Variants in IL1R1 observed in about 807,000 individuals in gnomAD.
IL1R1 encodes the protein interleukin-1 receptor type 1.
Under a neutral mutation model 50.2 loss-of-function variants are expected in IL1R1, and 22 were observed. The ratio of observed to expected loss-of-function variants is 0.44; its 90% CI spans 0.31 to 0.63. The LOEUF is 0.63. IL1R1 is among the 20% of genes least tolerant of loss of function. The probability of loss-of-function intolerance (pLI) is 0.07; values close to 1 mark genes in which losing one functional copy is unlikely to be tolerated. For missense variants in IL1R1, 509 were observed against 676.2 expected (o/e 0.75, Z 2.74); for synonymous variants, 251 against 236.7 (o/e 1.06, Z -0.55).
chr2:102,118,334 C>T lies in IL1R1; in HGVS notation c.-84+13462C>T, dbSNP rs186185207. On this transcript the variant is annotated intron_variant, in intron 1 of 10. Coordinates refer to the IL1R1 transcript ENST00000409329. ...AAGGAAGCGCACTTCCCCTCCCATA[C>T]ACCTCGCCCTGCATATCTCTTCATC... is the stretch of plus-strand genomic sequence containing the variant. Among the ~76,000 whole-genome samples, 124 of 152,346 alleles carry T rather than the reference C, an allele frequency of 8.1e-4. 1 individual carries two copies. Among genetic ancestry groups the T allele is most frequent in the South Asian group, 2.1e-3 (10 of 4,830 alleles).
intron 1 of IL1R1, among the ~76,000 whole-genome samples, chr2:102,150,284 C>T (rs1027260333): frequency 2.9e-4 from 44 of 152,140 alleles, no homozygotes; most frequent in African/African-American, 6.8e-4. Flanking sequence ...TCACTTTTCC[C>T]GTGCGTGCAC....
chr2:102,073,899 C>T (rs976786362), intron 1 of IL1R1, among the ~76,000 whole-genome samples: 5 of 152,070 alleles, frequency 3.3e-5, no homozygotes, highest in Non-Finnish European at 7.4e-5. Flanking sequence ...CTAAAATGGA[C>T]GTCAACAATG....
chr2:102,105,395 C>A (rs1017523686), intron 1 of IL1R1, among the ~76,000 whole-genome samples: 4 of 152,116 alleles, frequency 2.6e-5, no homozygotes. Context: ...GATGGGGTCT[C>A]ACTTTGTCAC....
chr2:102,135,103 T>A (rs954382773), intron 1 of IL1R1, among the ~76,000 whole-genome samples: 1 of 151,750 alleles, frequency 6.6e-6, no homozygotes, highest in African/African-American at 2.4e-5. Context: ...CATGGTAAGA[T>A]TTTACAATTT....
At chr2:102,126,757 G>C (rs1187490857) in intron 1 of IL1R1, among the ~76,000 whole-genome samples, 1 of 152,142 alleles carries the variant, frequency 6.6e-6, no homozygotes, top group Non-Finnish European at 1.5e-5. Flanking sequence ...CCCAGGCACT[G>C]TCTGTAGAGA....
At chr2:102,167,808 A>G (rs1685331248) in intron 6 of IL1R1, among the ~76,000 whole-genome samples, 1 of 152,114 alleles carries the variant, frequency 6.6e-6, no homozygotes, top group African/African-American at 2.4e-5. Context: ...TAGAAACAAT[A>G]TACTCTACTC....
chr2:102,120,048 C>T (rs994049389), intron 1 of IL1R1, among the ~76,000 whole-genome samples: 1 of 152,148 alleles, frequency 6.6e-6, no homozygotes, highest in East Asian at 1.9e-4. Context: ...CCAAACCTCC[C>T]CCTGAGCTAT....
At chr2:102,089,229 A>C (rs77159799) in intron 1 of IL1R1, among the ~76,000 whole-genome samples, 100 of 152,266 alleles carry the variant, frequency 6.6e-4, no homozygotes, top group African/African-American at 2.3e-3. Context: ...AAAGTGAGAG[A>C]ATTGTGACTC....
At chr2:102,124,364 G>A (rs946105453) in intron 1 of IL1R1, among the ~76,000 whole-genome samples, 3 of 151,882 alleles carry the variant, frequency 2.0e-5, no homozygotes, top group African/African-American at 7.3e-5. Context: ...AGGATGCAGT[G>A]AGCTGAGATT....
Position 102,172,031 on chromosome 2 carries a change from C to CTTTTT in IL1R1, c.839+134_839+138dup, listed in dbSNP as rs35265416. On this transcript the variant is annotated intron_variant, in intron 8 of 11. Transcript: ENST00000410023. ...GTTAGTTGCTCCTAACCTTTGCTGC[C>CTTTTT]TTTTTTTTTTTTTTTTTTTTTTTTT... 464 of 88,570 alleles carry CTTTTT rather than the reference C, an allele frequency of 5.2e-3. 1 individual carries two copies. The highest frequency in any genetic ancestry group is 7.3e-3 in the African/African-American group (152 of 20,700). 5.5% of individuals were successfully genotyped at this position (88,570 alleles called of 1,614,324 possible). A position where few individuals can be genotyped will look rare whatever the true frequency, so the allele number is the denominator to read the frequency against.
rs545470551 is a variant in IL1R1 at position 102,125,006 on chromosome 2, A to T, written c.-84+20134A>T. On this transcript the variant is annotated intron_variant, in intron 1 of 10. Coordinates refer to the IL1R1 transcript ENST00000409329. The stretch of plus-strand genomic sequence containing the variant: ...CACCGCCATAATCCAATCACCTCCC[A>T]TCAGGTTCCTCCCTTGACACATGGA... Among the ~76,000 whole-genome samples the T allele has an allele frequency of 7.4e-3, 1,131 of 152,348 alleles. 12 individuals carry two copies. The highest frequency in any genetic ancestry group is 0.025 in the African/African-American group (1,048 of 41,580).
chr2:102,110,922 C>T (rs577325112), intron 1 of IL1R1, among the ~76,000 whole-genome samples: 8 of 152,100 alleles, frequency 5.3e-5, no homozygotes, highest in East Asian at 3.9e-4. Flanking sequence ...AGCCACGGTC[C>T]GTGTTAGCCT....
rs1369313184 is a variant in IL1R1, at chr2:102,142,886, C to G, written c.-218C>G. 1.3e-5 allele frequency: 2 copies of G among 151,070 alleles called. No individual in the cohort carries two copies. The highest frequency in any genetic ancestry group is 3.0e-5 in the Non-Finnish European group (2 of 67,746). 9.4% of individuals were successfully genotyped at this position (151,070 alleles called of 1,614,324 possible). A position where few individuals can be genotyped will look rare whatever the true frequency, so the allele number is the denominator to read the frequency against. ...GGCCTGCCCCGCGCGCCCCAGGGAGCGGCAGGAATGTGACAATCGCGCGCC... is the reference window on the plus strand; with the variant it reads ...GGCCTGCCCCGCGCGCCCCAGGGAGGGGCAGGAATGTGACAATCGCGCGCC... On this transcript the variant is annotated 5_prime_UTR_variant, in exon 1 of 12. Transcript: ENST00000410023.
intron 1 of IL1R1, among the ~76,000 whole-genome samples, chr2:102,144,211 T>C (rs976048690): frequency 6.6e-6 from 1 of 152,234 alleles, no homozygotes; most frequent in African/African-American, 2.4e-5. Context: ...ACGTTTATGC[T>C]AGACAGAAAG....
intron 1 of IL1R1, among the ~76,000 whole-genome samples, chr2:102,105,163 T>A (rs527612976): frequency 2.3e-4 from 35 of 152,298 alleles, no homozygotes; most frequent in Non-Finnish European, 4.4e-5. Flanking sequence ...TAACTGTATA[T>A]TACTTATAAA....
Position 102,165,154 on chromosome 2 carries a change from A to C in IL1R1, c.336A>C (p.Lys112Asn), listed in dbSNP as rs1237777210. 6.3e-7 allele frequency: 1 copy of C among 1,581,716 alleles called. No homozygotes were observed. The highest frequency in any genetic ancestry group is 1.2e-5 in the South Asian group (1 of 84,756). ...SYCLRIKISA[K>N]FVENEPNLCY... Reference sequence around the variant, plus strand: ...GCCTCAGAATTAAAATAAGTGCAAAATTTGTGGAGAATGAGCCTAACTTAT... The same window carrying C: ...GCCTCAGAATTAAAATAAGTGCAAACTTTGTGGAGAATGAGCCTAACTTAT... Residue 112 changes from lysine to asparagine, a missense_variant, in exon 5 of 12, where the codon AAA becomes AAC. Physicochemically the swap from Lys to Asn is moderately conservative, Grantham distance 94 (BLOSUM62 0). Coordinates refer to ENST00000410023, the MANE Select transcript of IL1R1 (RefSeq NM_000877.4).
At chr2:102,166,595 T>C (rs1685201328) in intron 6 of IL1R1, among the ~76,000 whole-genome samples, 1 of 152,180 alleles carries the variant, frequency 6.6e-6, no homozygotes, top group African/African-American at 2.4e-5. Flanking sequence ...CTGGCTGGTA[T>C]ATGGGAATGT....
intron 1 of IL1R1, among the ~76,000 whole-genome samples, chr2:102,133,177 G>A (rs914958807): frequency 4.1e-5 from 6 of 145,250 alleles, no homozygotes; most frequent in African/African-American, 2.6e-5. Context: ...CCAGGAGGCG[G>A]AGCTTGCAGT....
intron 1 of IL1R1, among the ~76,000 whole-genome samples, chr2:102,072,253 C>T (rs1481298251): frequency 6.9e-6 from 1 of 145,894 alleles, no homozygotes; most frequent in African/African-American, 2.6e-5. Context: ...GAGCAAGACT[C>T]TGTGTCACCA....
Sources: gnomAD v4.1 joint callset for allele counts (sites outside exome capture counted in the v4.1 genomes callset) on GRCh38, gnomAD v4.1.1 for gene constraint, MANE v1.5 for transcripts, NCBI Gene and HGNC (gene_info 2026-07-23, HGNC 2026-07-21) for gene names.